Variants in FYB1 observed in about 807,000 individuals in gnomAD.
FYB1 encodes the protein FYN binding protein 1.
Under a neutral mutation model 94.1 loss-of-function variants are expected in FYB1, and 41 were observed. The observed-to-expected ratio is 0.44, with a 90% CI of 0.34 to 0.57. The LOEUF is 0.57. FYB1 is among the 20% of genes least tolerant of loss of function. The pLI is 0.02. For synonymous variants in FYB1, 367 were observed against 353.2 expected (o/e 1.04, Z -0.44); for missense variants, 1,050 against 976.8 (o/e 1.07, Z -1.00).
intron 16 of FYB1, among the ~76,000 whole-genome samples, chr5:39,115,586 C>T (rs1290133282): frequency 1.3e-5 from 2 of 151,748 alleles, no homozygotes; most frequent in African/African-American, 4.8e-5. Context: ...AGTGTAAGGG[C>T]AAAGATAGAC....
chr5:39,230,721 C>T (rs976417190), intron 1 of FYB1, among the ~76,000 whole-genome samples: 5 of 151,880 alleles, frequency 3.3e-5, no homozygotes, highest in African/African-American at 7.3e-5. Flanking sequence ...CCTAGACACC[C>T]GTTCAAAGGC....
At chr5:39,204,806 A>G (rs554108917) in intron 1 of FYB1, among the ~76,000 whole-genome samples, 3 of 152,336 alleles carry the variant, frequency 2.0e-5, no homozygotes, top group Middle Eastern at 3.4e-3. Flanking sequence ...TTAGGCAGGA[A>G]CAGAAAAGCT....
intron 1 of FYB1, among the ~76,000 whole-genome samples, chr5:39,230,844 TACACAC>T (rs10641788): frequency 0.013 from 1,803 of 143,188 alleles, 10 homozygotes; most frequent in Non-Finnish European, 0.019. Context: ...TGTCTCAGTA[TACACAC>T]ACACACACAC....
intron 9 of FYB1, among the ~76,000 whole-genome samples, chr5:39,131,052 T>A (rs1348887344): frequency 6.6e-6 from 1 of 152,140 alleles, no homozygotes; most frequent in Non-Finnish European, 1.5e-5. Flanking sequence ...TTACTCCTAG[T>A]CTAATAGCAG....
chr5:39,233,784 T>G (rs79376628), intron 1 of FYB1, among the ~76,000 whole-genome samples: 2 of 152,072 alleles, frequency 1.3e-5, no homozygotes, highest in Non-Finnish European at 2.9e-5. Context: ...CATACAGACA[T>G]GTAGTTGGAA....
At chr5:39,113,885 T>C (rs909931209) in intron 16 of FYB1, among the ~76,000 whole-genome samples, 2 of 152,136 alleles carry the variant, frequency 1.3e-5, no homozygotes, top group Non-Finnish European at 2.9e-5. Flanking sequence ...TATATAATAC[T>C]GAATATAAAT....
intron 2 of FYB1, among the ~76,000 whole-genome samples, chr5:39,178,176 T>A (rs1209263137): frequency 6.6e-6 from 1 of 152,254 alleles, no homozygotes; most frequent in East Asian, 1.9e-4. Context: ...TGAATTATAC[T>A]TTTCCTTTGA....
intron 2 of FYB1, 56 bp from the exon 3 acceptor site, chr5:39,153,660 T>G: frequency 6.6e-7 from 1 of 1,516,940 alleles, no homozygotes; most frequent in Non-Finnish European, 8.9e-7. Context: ...AAAAGAAGAT[T>G]GTTAATTGCA....
intron 2 of FYB1, chr5:39,169,228 C>T (rs1745019801): frequency 1.0e-5 from 11 of 1,091,464 alleles, no homozygotes; most frequent in South Asian, 3.7e-5. Context: ...TATGGTTGGT[C>T]GTGGTGCATT....
At chr5:39,179,536 TTC>T (rs1038891051) in intron 2 of FYB1, among the ~76,000 whole-genome samples, 42 of 139,946 alleles carry the variant, frequency 3.0e-4, no homozygotes, top group African/African-American at 1.0e-3. Context: ...TTCCAAGCTT[TTC>T]TTCTTTTTTC....
chr5:39,202,661 G>C lies in FYB1; in HGVS notation c.300C>G (p.Thr100=). 3.1e-6 allele frequency: 5 copies of C among 1,613,882 alleles called. No homozygotes were observed. The highest frequency in any genetic ancestry group is 4.2e-6 in the Non-Finnish European group (5 of 1,179,864). ...ATCCCACTTTCGCCTCGGGGTCTCT[G>C]GTGGTCAAGCTGGCTGGTGTTCCGA... ...QRFGTPASLT[T]RDPEAKVGFL... Residue 100 remains threonine (T), a synonymous_variant, in exon 2 of 19, where the codon ACC becomes ACG. Transcript: ENST00000512982.
At chr5:39,175,552 C>A (rs143467300) in intron 2 of FYB1, among the ~76,000 whole-genome samples, 1 of 152,130 alleles carries the variant, frequency 6.6e-6, no homozygotes, top group African/African-American at 2.4e-5. Context: ...CAGGTAGAAA[C>A]GCTGCTGTGT....
At chr5:39,131,475 A>G in intron 9 of FYB1, among the ~76,000 whole-genome samples, 1 of 152,236 alleles carries the variant, frequency 6.6e-6, no homozygotes, top group East Asian at 1.9e-4. Context: ...GGACAATTAT[A>G]TAGTACTCAT....
At chr5:39,234,679 T>A (rs1189877965) in intron 1 of FYB1, among the ~76,000 whole-genome samples, 1 of 152,152 alleles carries the variant, frequency 6.6e-6, no homozygotes, top group Non-Finnish European at 1.5e-5. Flanking sequence ...AAGGAAAATG[T>A]GGCACATATA....
intron 17 of FYB1, among the ~76,000 whole-genome samples, chr5:39,108,970 C>T (rs1738803310): frequency 6.6e-6 from 1 of 152,030 alleles, no homozygotes; most frequent in Admixed American, 6.6e-5. Context: ...AAGAGACAAG[C>T]TTTGCTTTTA....
Position 39,134,964 on chromosome 5 carries a change from G to C in FYB1, c.1566C>G (p.Val522=). Residue 522 remains valine, a synonymous_variant, in exon 8 of 19, where the codon GTC becomes GTG. Transcript: ENST00000512982. ...AGCTCAGTTCATTCTTTCCTCCTTT[G>C]ACATCACAACAAGCTTTTGCAAGAT... ...VIHLAKACCD[V]KGGKNELSFK... is the part of the protein sequence containing the mutation. The C allele has an allele frequency of 6.2e-7, 1 of 1,613,790 alleles. No individual in the cohort carries two copies. Among genetic ancestry groups the C allele is most frequent in the Non-Finnish European group, 8.5e-7 (1 of 1,179,856 alleles).
chr5:39,197,403 G>A (rs917712075), intron 2 of FYB1, among the ~76,000 whole-genome samples: 3 of 152,198 alleles, frequency 2.0e-5, no homozygotes, highest in East Asian at 1.9e-4. Context: ...TTCATGCCTA[G>A]TCAGGTGTGT....
At chr5:39,263,375 AT>A (rs569609269) in intron 1 of FYB1, among the ~76,000 whole-genome samples, 1,833 of 147,008 alleles carry the variant, frequency 0.012, 32 homozygotes, top group African/African-American at 0.036. Context: ...ATAGTACAGG[AT>A]TTTTTTTTTT....
chr5:39,114,847 T>C lies in FYB1; in HGVS notation c.2401+4027A>G, dbSNP rs539716383. 1.7e-4 allele frequency among the ~76,000 whole-genome samples: 26 copies of C among 152,242 alleles called. 1 individual carries two copies. The highest frequency in any genetic ancestry group is 1.3e-3 in the Admixed American group (20 of 15,288). On this transcript the variant is annotated intron_variant, in intron 16 of 18. Transcript: ENST00000512982. ...TGTGTAACGTGCTGACATTACGATG[T>C]TGAGAACATTTCATTGAAGTGACTC...
Sources: gnomAD v4.1 joint callset for allele counts (sites outside exome capture counted in the v4.1 genomes callset) on GRCh38, gnomAD v4.1.1 for gene constraint, MANE v1.5 for transcripts, NCBI Gene and HGNC (gene_info 2026-07-23, HGNC 2026-07-21) for gene names.